Variants in ADARB2 observed in about 807,000 individuals in gnomAD.
ADARB2 encodes the protein inactive double-stranded RNA-specific editase B2.
In ADARB2, 25 loss-of-function variants were observed where a neutral mutation model predicts 62.2. That is an observed-to-expected ratio of 0.40 (90% CI 0.29 to 0.56). The LOEUF (loss-of-function observed/expected upper bound fraction) is 0.56, where lower values mean the gene tolerates loss of function less well. ADARB2 is among the 20% of genes least tolerant of loss of function. The pLI is 0.43. For missense variants in ADARB2, 1,071 were observed against 1,077.4 expected (o/e 0.99, Z 0.08); for synonymous variants, 572 against 500.8 (o/e 1.14, Z -1.90).
intron 1 of ADARB2, among the ~76,000 whole-genome samples, chr10:1,692,858 G>C (rs1395152745): frequency 6.6e-6 from 1 of 152,182 alleles, no homozygotes; most frequent in Non-Finnish European, 1.5e-5. Flanking sequence ...AAGGTTCTAT[G>C]TTAGACTATT....
chr10:1,696,166 G>A (rs558337566), intron 1 of ADARB2, among the ~76,000 whole-genome samples: 9 of 135,764 alleles, frequency 6.6e-5, no homozygotes, highest in East Asian at 2.5e-4. Flanking sequence ...GTGTTTGCAT[G>A]TGTCTGTGTA....
intron 1 of ADARB2, among the ~76,000 whole-genome samples, chr10:1,522,385 C>T (rs560616199): frequency 2.6e-5 from 4 of 152,236 alleles, no homozygotes; most frequent in East Asian, 3.9e-4. Flanking sequence ...CAGGAAAATT[C>T]GCTGTGGGGT....
chr10:1,507,797 G>A (rs1164603790), intron 1 of ADARB2, among the ~76,000 whole-genome samples: 3 of 152,146 alleles, frequency 2.0e-5, no homozygotes, highest in East Asian at 3.9e-4. Flanking sequence ...TTCCTGGCAC[G>A]TACACGGGGA....
intron 7 of ADARB2, among the ~76,000 whole-genome samples, chr10:1,205,947 G>GA (rs1376857206): frequency 1.3e-5 from 2 of 151,578 alleles, no homozygotes; most frequent in South Asian, 2.1e-4. Context: ...GGGTCAGGTG[G>GA]GGTCACGGGG....
At chr10:1,251,492 A>G (rs1278059378) in intron 4 of ADARB2, among the ~76,000 whole-genome samples, 4 of 152,192 alleles carry the variant, frequency 2.6e-5, no homozygotes, top group Non-Finnish European at 5.9e-5. Flanking sequence ...TTGATGGTAC[A>G]ATGGTGGATC....
chr10:1,430,848 C>T lies in ADARB2; in HGVS notation c.101-51688G>A, dbSNP rs373808885. Among the ~76,000 whole-genome samples the T allele has an allele frequency of 1.1e-3, 163 of 152,260 alleles. 2 individuals are homozygous for T. The South Asian group carries it at 0.033, about 31-fold the overall frequency. On this transcript the variant is annotated intron_variant, in intron 1 of 9. Coordinates refer to ENST00000381312, the MANE Select transcript of ADARB2 (RefSeq NM_018702.4). ...ATTATATAATGATAAAAGGATCAAT[C>T]CACTGGGAAGACATAACTATCCTAA...
At chr10:1,415,472 T>C (rs538921858) in intron 1 of ADARB2, among the ~76,000 whole-genome samples, 2 of 132,214 alleles carry the variant, frequency 1.5e-5, no homozygotes, top group Non-Finnish European at 3.5e-5. Context: ...GATGGATGAA[T>C]GGATGATTGA....
chr10:1,501,208 T>A (rs1831764498), intron 1 of ADARB2, among the ~76,000 whole-genome samples: 1 of 152,164 alleles, frequency 6.6e-6, no homozygotes, highest in Admixed American at 6.5e-5. Context: ...ATGGGTAGTG[T>A]GTTTGGGCAG....
intron 3 of ADARB2, among the ~76,000 whole-genome samples, chr10:1,336,405 T>C (rs1439807387): frequency 6.6e-6 from 1 of 152,216 alleles, no homozygotes; most frequent in Non-Finnish European, 1.5e-5. Context: ...GCTTTAGGCA[T>C]TTAAGGGTAT....
rs1831036268 is a variant in ADARB2 at position 1,251,341 on chromosome 10, T to TA, written c.1193-9043dup. Among the ~76,000 whole-genome samples, 4 of 152,322 alleles carry TA rather than the reference T, an allele frequency of 2.6e-5. No individual in the cohort carries two copies. The South Asian group carries it at 8.3e-4, about 32-fold the overall frequency. On this transcript the variant is annotated intron_variant, in intron 4 of 9. Transcript: ENST00000381312. ...GCTGATCTGAAAAGTCTACATATTATATGATTTCAACTACAGGGCATTCTG... is the reference window on the plus strand; with the variant it reads ...GCTGATCTGAAAAGTCTACATATTATAATGATTTCAACTACAGGGCATTCTG...
chr10:1,232,940 A>G (rs529442641), intron 6 of ADARB2, among the ~76,000 whole-genome samples: 3 of 152,018 alleles, frequency 2.0e-5, no homozygotes, highest in Admixed American at 2.0e-4. Flanking sequence ...TGTGTGGTGT[A>G]TGTGGTATAT....
At chr10:1,368,261 CCTTACAAGTTT>C (rs1218811222) in intron 2 of ADARB2, among the ~76,000 whole-genome samples, 1 of 152,164 alleles carries the variant, frequency 6.6e-6, no homozygotes, top group Admixed American at 6.5e-5. Flanking sequence ...AAAATATTTG[CCTTACAAGTTT>C]CTTACAGGGA....
chr10:1,641,099 T>C (rs1438389215), intron 1 of ADARB2, among the ~76,000 whole-genome samples: 2 of 152,226 alleles, frequency 1.3e-5, no homozygotes, highest in African/African-American at 4.8e-5. Context: ...TTTCATAAAC[T>C]ACAAATATAT....
At chr10:1,186,363 A>G in intron 8 of ADARB2, 1 of 425,668 alleles carries the variant, frequency 2.3e-6, no homozygotes, top group Non-Finnish European at 4.8e-6. Context: ...TGCATGGTCC[A>G]CACAACAGTG....
At chr10:1,336,947 T>G (rs4880825) in intron 3 of ADARB2, among the ~76,000 whole-genome samples, 1 of 151,892 alleles carries the variant, frequency 6.6e-6, no homozygotes, top group African/African-American at 2.4e-5. Context: ...AGTACACAGC[T>G]CTGCCACAGA....
chr10:1,734,143 CA>C (rs1441089559), intron 1 of ADARB2, among the ~76,000 whole-genome samples: 13 of 151,784 alleles, frequency 8.6e-5, no homozygotes, highest in Admixed American at 5.9e-4. Context: ...ACAGAAAACA[CA>C]AAATTGTACA....
At chr10:1,653,538 TCGTG>T (rs1834139452) in intron 1 of ADARB2, among the ~76,000 whole-genome samples, 2 of 151,808 alleles carry the variant, frequency 1.3e-5, no homozygotes, top group African/African-American at 4.8e-5. Flanking sequence ...ACCAGACGCC[TCGTG>T]TGCCTGCAGA....
chr10:1,646,020 C>T (rs531409305), intron 1 of ADARB2, among the ~76,000 whole-genome samples: 9 of 152,280 alleles, frequency 5.9e-5, no homozygotes, highest in African/African-American at 1.2e-4. Context: ...TGTTAGGAGA[C>T]GTGTCCCAGG....
At chr10:1,420,611 G>GAA (rs755860726) in intron 1 of ADARB2, among the ~76,000 whole-genome samples, 1,635 of 121,068 alleles carry the variant, frequency 0.014, 93 homozygotes, top group Middle Eastern at 0.025. Flanking sequence ...CCAGAAAGAG[G>GAA]GAAAAAAAAA....
Sources: allele counts gnomAD v4.1 joint callset (sites outside exome capture counted in the v4.1 genomes callset), GRCh38; gene constraint gnomAD v4.1.1; transcripts MANE v1.5; gene names NCBI Gene and HGNC (gene_info 2026-07-23, HGNC 2026-07-21).